Variants in SNX30 observed in about 807,000 individuals in gnomAD.
The protein encoded by SNX30 is sorting nexin family member 30.
SNX30 carries 24 observed loss-of-function variants against 46.4 expected under a neutral mutation model. That is an observed-to-expected ratio of 0.52 (90% CI 0.37 to 0.73). The LOEUF (loss-of-function observed/expected upper bound fraction) is 0.73. Among genes scored for constraint, SNX30 ranks in the 30% least tolerant of loss-of-function variants. The probability of loss-of-function intolerance (pLI) is 0.00; values close to 1 mark genes in which losing one functional copy is unlikely to be tolerated. For missense variants in SNX30, 533 were observed against 555.7 expected, an observed-to-expected ratio of 0.96 and a Z score of 0.41; for synonymous variants, 189 against 211.5, an observed-to-expected ratio of 0.89 and a Z score of 0.92.
intron 3 of SNX30, among the ~76,000 whole-genome samples, chr9:112,825,275 G>A (rs959628382): frequency 3.3e-5 from 5 of 152,076 alleles, no homozygotes; most frequent in African/African-American, 1.2e-4. Context: ...AAATTCTAGT[G>A]GGTGTGAAGA....
chr9:112,856,751 T>C (rs1022483513), intron 7 of SNX30: 1 of 152,040 alleles, frequency 6.6e-6, no homozygotes, highest in Non-Finnish European at 1.5e-5. Context: ...ACAGAGCTAA[T>C]GCAGACCGGA....
rs75539166 is a variant in SNX30, at chr9:112,852,910, C to G, written c.1101+1965C>G. 9.9e-5 allele frequency among the ~76,000 whole-genome samples: 15 copies of G among 152,264 alleles called. No individual in the cohort carries two copies. In the East Asian group the frequency reaches 2.9e-3, roughly 29 times the overall value. ...ATGCCAAGACATACCTGGAAAGGAACCAGCTTTGGAATTTGAAACCCACAC... is the reference window on the plus strand; with the variant it reads ...ATGCCAAGACATACCTGGAAAGGAAGCAGCTTTGGAATTTGAAACCCACAC... On this transcript the variant is annotated intron_variant, in intron 7 of 8. Coordinates refer to ENST00000374232, the MANE Select transcript of SNX30 (RefSeq NM_001012994.2).
chr9:112,753,278 C>G (rs1272785682), intron 1 of SNX30, among the ~76,000 whole-genome samples: 1 of 152,212 alleles, frequency 6.6e-6, no homozygotes, highest in Non-Finnish European at 1.5e-5. Flanking sequence ...CCACCAAGAT[C>G]TGGTTAGTGG....
chr9:112,819,169 G>A (rs990842835), intron 3 of SNX30, among the ~76,000 whole-genome samples: 1 of 151,840 alleles, frequency 6.6e-6, no homozygotes. Context: ...TTATATTAGT[G>A]TGGCACTTTT....
chr9:112,774,118 G>A (rs547456986), intron 1 of SNX30, among the ~76,000 whole-genome samples: 7 of 152,002 alleles, frequency 4.6e-5, no homozygotes, highest in Non-Finnish European at 8.8e-5. Context: ...ATCAAGTGTC[G>A]GGCACTGTGC....
chr9:112,862,027 CAA>C (rs993190426), intron 7 of SNX30, among the ~76,000 whole-genome samples: 2 of 152,232 alleles, frequency 1.3e-5, no homozygotes, highest in African/African-American at 4.8e-5. Flanking sequence ...TGTTGAGACC[CAA>C]GCACTTTTGT....
downstream of SNX30, chr9:112,875,829 C>T (rs554012984): frequency 2.1e-4 from 32 of 152,184 alleles, no homozygotes; most frequent in African/African-American, 7.0e-4. Flanking sequence ...CTTTGTCACC[C>T]AGGCTGAAGT....
intron 6 of SNX30, among the ~76,000 whole-genome samples, chr9:112,843,994 TAAG>T (rs1840900133): frequency 6.6e-6 from 1 of 152,116 alleles, no homozygotes; most frequent in Admixed American, 6.5e-5. Context: ...ATTTTCACTT[TAAG>T]AAGACAACTA....
intron 7 of SNX30, among the ~76,000 whole-genome samples, chr9:112,861,689 G>A (rs565749445): frequency 4.6e-5 from 7 of 152,140 alleles, no homozygotes; most frequent in Non-Finnish European, 1.0e-4. Context: ...TTCCCTCTCC[G>A]TGCCGCTGTG....
chr9:112,789,261 G>A (rs746500373), intron 1 of SNX30, among the ~76,000 whole-genome samples: 10 of 152,156 alleles, frequency 6.6e-5, no homozygotes, highest in Admixed American at 2.6e-4. Flanking sequence ...GGGGATCTTA[G>A]TTATTGTTAG....
chr9:112,836,766 C>A (rs1266656724), intron 5 of SNX30, among the ~76,000 whole-genome samples: 1 of 152,152 alleles, frequency 6.6e-6, no homozygotes, highest in Non-Finnish European at 1.5e-5. Context: ...ACTTAGATAC[C>A]TTTTCTGGCA....
chr9:112,834,070 C>A (rs1840711402), intron 4 of SNX30, among the ~76,000 whole-genome samples: 1 of 149,290 alleles, frequency 6.7e-6, no homozygotes. Context: ...GATAGGTGTT[C>A]CAGAAAAACT....
In SNX30 at chr9:112,776,507, C is replaced by T. The variant is rs1052989880; in HGVS notation, c.156+25350C>T. The stretch of plus-strand genomic sequence containing the variant: ...TTGAGCATGCCGAGTTTCCAGTCTG[C>T]AGATGTGCGGATCTTCTGCTTCTAC... On this transcript the variant is annotated intron_variant, in intron 1 of 8. Transcript: ENST00000374232. 3.3e-5 allele frequency among the ~76,000 whole-genome samples: 5 copies of T among 152,238 alleles called. 1 individual carries two copies. Among genetic ancestry groups the T allele is most frequent in the Admixed American group, 3.3e-4 (5 of 15,288 alleles).
At chr9:112,794,732 A>C (rs1840082323) in intron 1 of SNX30, among the ~76,000 whole-genome samples, 1 of 152,214 alleles carries the variant, frequency 6.6e-6, no homozygotes. Context: ...TGTTTAATGT[A>C]ATATAAAATT....
At chr9:112,806,596 C>T (rs1840227480) in intron 2 of SNX30, among the ~76,000 whole-genome samples, 1 of 152,012 alleles carries the variant, frequency 6.6e-6, no homozygotes, top group African/African-American at 2.4e-5. Context: ...TTTGGAAAGA[C>T]AAGCAGGGAA....
intron 1 of SNX30, among the ~76,000 whole-genome samples, chr9:112,788,796 A>AT (rs1346257125): frequency 6.6e-6 from 1 of 151,958 alleles, no homozygotes; most frequent in African/African-American, 2.4e-5. Flanking sequence ...GGATTTCAGG[A>AT]TTTTTTGTTT....
In SNX30 at chr9:112,791,399, CTTTTTTTTTT is replaced by C. The variant is rs386415930; in HGVS notation, c.157-13357_157-13348del. The stretch of plus-strand genomic sequence containing the variant: ...AAATACTTTTAAACATATTTAGGAA[CTTTTTTTTTT>C]TTTTTTTTTTTTTTTTTTTGAGACG... On this transcript the variant is annotated intron_variant, in intron 1 of 8. Coordinates refer to ENST00000374232, the MANE Select transcript of SNX30 (RefSeq NM_001012994.2). 8.0e-4 allele frequency among the ~76,000 whole-genome samples: 54 copies of C among 67,478 alleles called. 1 individual carries two copies. The highest frequency in any genetic ancestry group is 7.4e-3 in the Admixed American group (28 of 3,800). 44.3% of individuals were successfully genotyped at this position (67,478 alleles called of 152,430 possible).
At chr9:112,852,933 C>T (rs1464997705) in intron 7 of SNX30, among the ~76,000 whole-genome samples, 1 of 152,176 alleles carries the variant, frequency 6.6e-6, no homozygotes, top group African/African-American at 2.4e-5. Context: ...TTGAAACCCA[C>T]ACCTCAGAAA....
At chr9:112,805,167 GA>G (rs1242808870) in intron 2 of SNX30, among the ~76,000 whole-genome samples, 200 bp downstream of exon 2, 1 of 152,154 alleles carries the variant, frequency 6.6e-6, no homozygotes, top group African/African-American at 2.4e-5. Context: ...ATCTTAGAAT[GA>G]GGAAGAAATT....
Sources: allele counts gnomAD v4.1 joint callset (sites outside exome capture counted in the v4.1 genomes callset), GRCh38; gene constraint gnomAD v4.1.1; transcripts MANE v1.5; gene names NCBI Gene and HGNC (gene_info 2026-07-23, HGNC 2026-07-21).